Variants in RPH3A observed in about 807,000 individuals in gnomAD.
RPH3A encodes the protein rabphilin-3A.
RPH3A carries 48 observed loss-of-function variants against 102.2 expected under a neutral mutation model. That is an observed-to-expected ratio of 0.47 (90% CI 0.37 to 0.60). RPH3A has a LOEUF of 0.60. Ranked by LOEUF, RPH3A falls within the 20% of genes least tolerant of loss-of-function variation. The pLI, the probability that RPH3A is intolerant of heterozygous loss-of-function variation, is 0.00. For missense variants in RPH3A, 781 were observed against 910.1 expected (o/e 0.86, Z 1.83); for synonymous variants, 310 against 324.3 (o/e 0.96, Z 0.47).
intron 2 of RPH3A, among the ~76,000 whole-genome samples, chr12:112,815,447 C>A (rs1270441565): frequency 1.3e-5 from 2 of 152,156 alleles, no homozygotes; most frequent in East Asian, 3.8e-4. Context: ...GCCTCAATTT[C>A]CTGGCCTATA....
chr12:112,637,391 TA>T (rs2039856247), intron 1 of RPH3A, among the ~76,000 whole-genome samples: 1 of 152,206 alleles, frequency 6.6e-6, no homozygotes, highest in South Asian at 2.1e-4. Context: ...CATTGTTTTT[TA>T]ATTTTTTCTC....
At chr12:112,868,324 G>A in intron 7 of RPH3A, 106 bp from the exon 8 acceptor site, 1 of 1,115,732 alleles carries the variant, frequency 9.0e-7, no homozygotes, top group Non-Finnish European at 1.3e-6. Flanking sequence ...TGGCTATTGT[G>A]TCAGTGTGCT....
chr12:112,696,049 A>T (rs955117945), intron 1 of RPH3A, among the ~76,000 whole-genome samples: 2 of 152,150 alleles, frequency 1.3e-5, no homozygotes, highest in African/African-American at 4.8e-5. Flanking sequence ...TTGCATCCTC[A>T]TAGCTTAGCT....
chr12:112,683,188 G>A (rs111797432), intron 1 of RPH3A, among the ~76,000 whole-genome samples: 1 of 152,124 alleles, frequency 6.6e-6, no homozygotes, highest in Non-Finnish European at 1.5e-5. Flanking sequence ...GTTACGGGCC[G>A]AACTGGGATC....
chr12:112,877,415 C>T (rs1044321675), intron 13 of RPH3A, among the ~76,000 whole-genome samples: 9 of 120,836 alleles, frequency 7.4e-5, no homozygotes, highest in South Asian at 5.4e-4. Flanking sequence ...CACACACACA[C>T]GTATACACAC....
At chr12:112,854,225 T>G (rs992134682) in intron 5 of RPH3A, among the ~76,000 whole-genome samples, 2 of 152,256 alleles carry the variant, frequency 1.3e-5, no homozygotes, top group African/African-American at 4.8e-5. Flanking sequence ...CTCCAGACAC[T>G]GCTCAGTGTC....
chr12:112,798,761 C>A (rs914055251), intron 2 of RPH3A, among the ~76,000 whole-genome samples: 1 of 151,874 alleles, frequency 6.6e-6, no homozygotes, highest in Non-Finnish European at 1.5e-5. Flanking sequence ...TTTTTCCCTG[C>A]CCCTGTCTCC....
chr12:112,804,256 G>A (rs1233108771), intron 2 of RPH3A, among the ~76,000 whole-genome samples: 3 of 152,134 alleles, frequency 2.0e-5, no homozygotes, highest in Non-Finnish European at 4.4e-5. Context: ...TGGGTCCACC[G>A]GGCCAACCAC....
intron 3 of RPH3A, 68 bp downstream of exon 3, chr12:112,828,457 G>GA (rs2041917657): frequency 4.2e-6 from 5 of 1,192,506 alleles, no homozygotes; most frequent in Admixed American, 2.3e-5. Flanking sequence ...TTCTACACTT[G>GA]AAAAAAAGAA....
chr12:112,795,794 A>G (rs1453119421), intron 2 of RPH3A, among the ~76,000 whole-genome samples: 1 of 152,214 alleles, frequency 6.6e-6, no homozygotes, highest in African/African-American at 2.4e-5. Flanking sequence ...CAAAATGGGA[A>G]TAAGAATGCA....
intron 1 of RPH3A, among the ~76,000 whole-genome samples, chr12:112,697,332 G>A (rs2040359987): frequency 6.6e-6 from 1 of 152,122 alleles, no homozygotes; most frequent in Non-Finnish European, 1.5e-5. Flanking sequence ...CTAGGAATAA[G>A]TATTGCAAAA....
chr12:112,671,609 A>C (rs975195106), intron 1 of RPH3A, among the ~76,000 whole-genome samples: 31 of 152,170 alleles, frequency 2.0e-4, no homozygotes, highest in African/African-American at 6.3e-4. Flanking sequence ...TAAAGGAAGA[A>C]GGGAAGAATG....
In RPH3A at chr12:112,898,629, C is replaced by T. The variant is rs1402822268; in HGVS notation, c.*1849C>T. ...GTCCCTGGTGGCACCTACTCTCAGC[C>T]CACCTCCCTCACCACAGTTTCCCCT... On this transcript the variant is annotated 3_prime_UTR_variant, in exon 22 of 22. Transcript: ENST00000389385. 1 of 152,270 alleles carries T rather than the reference C, an allele frequency of 6.6e-6. No individual in the cohort carries two copies. Among genetic ancestry groups the T allele is most frequent in the Non-Finnish European group, 1.5e-5 (1 of 68,072 alleles). The allele number at this position is 152,270 out of a possible 1,614,324, so 9.4% of individuals were successfully genotyped here.
intron 1 of RPH3A, among the ~76,000 whole-genome samples, chr12:112,669,835 G>A (rs576787281): frequency 6.6e-6 from 1 of 152,164 alleles, no homozygotes; most frequent in East Asian, 1.9e-4. Context: ...CTATTGTATG[G>A]CTATAGCATA....
chr12:112,759,638 T>A (rs2040842210), intron 1 of RPH3A, among the ~76,000 whole-genome samples: 1 of 151,922 alleles, frequency 6.6e-6, no homozygotes, highest in East Asian at 1.9e-4. Context: ...ACTGCAGGAG[T>A]ATGGTCCCTA....
chr12:112,621,069 C>T (rs1329462569), intron 1 of RPH3A, among the ~76,000 whole-genome samples: 1 of 151,460 alleles, frequency 6.6e-6, no homozygotes, highest in Non-Finnish European at 1.5e-5. Context: ...TCTTGAACTC[C>T]TAGGCTCAAG....
chr12:112,635,695 C>T (rs1218175503), intron 1 of RPH3A, among the ~76,000 whole-genome samples: 1 of 152,062 alleles, frequency 6.6e-6, no homozygotes, highest in South Asian at 2.1e-4. Flanking sequence ...TCATCTTTGG[C>T]GAGTTGGGGA....
intron 2 of RPH3A, among the ~76,000 whole-genome samples, chr12:112,797,039 T>A (rs1298743265): frequency 6.6e-6 from 1 of 151,788 alleles, no homozygotes; most frequent in Non-Finnish European, 1.5e-5. Context: ...TAAGACTCTG[T>A]CTCAAAAAAA....
At chr12:112,783,807 G>A (rs2041025809) in intron 1 of RPH3A, among the ~76,000 whole-genome samples, 1 of 152,178 alleles carries the variant, frequency 6.6e-6, no homozygotes, top group Admixed American at 6.5e-5. Context: ...CAATTATTCT[G>A]CTAGGTGCTT....
Sources: allele counts gnomAD v4.1 joint callset (sites outside exome capture counted in the v4.1 genomes callset), GRCh38; gene constraint gnomAD v4.1.1; transcripts MANE v1.5; gene names NCBI Gene and HGNC (gene_info 2026-07-23, HGNC 2026-07-21).